Variants in ZP3 observed in about 807,000 individuals in gnomAD.
The protein encoded by ZP3 is zona pellucida glycoprotein 3.
A neutral mutation model predicts 35.6 loss-of-function variants in ZP3; 21 were observed. The observed-to-expected ratio is 0.59, with a 90% confidence interval of 0.42 to 0.85. ZP3 has a LOEUF of 0.85. Ranked by LOEUF, ZP3 falls within the 40% of genes least tolerant of loss-of-function variation. The probability of loss-of-function intolerance (pLI) is 0.00; values close to 1 mark genes in which losing one functional copy is unlikely to be tolerated. For synonymous variants in ZP3, 207 were observed against 214.5 expected (o/e 0.96, Z 0.31); for missense variants, 437 against 536.5 (o/e 0.81, Z 1.83).
chr7:76,398,689 C>A (rs1272426609), intron 1 of ZP3: 1 of 1,609,922 alleles, frequency 6.2e-7, no homozygotes, highest in Non-Finnish European at 8.5e-7. Context: ...TCTCCCAAAA[C>A]CCAGGTGGTG....
intron 1 of ZP3, among the ~76,000 whole-genome samples, chr7:76,407,599 G>T (rs1362250729): frequency 6.6e-6 from 1 of 152,132 alleles, no homozygotes; most frequent in Non-Finnish European, 1.5e-5. Flanking sequence ...TGGGCATGGT[G>T]GTGCATGCCT....
At chr7:76,398,486 G>T (rs1006818986) in intron 1 of ZP3, among the ~76,000 whole-genome samples, 8 of 151,906 alleles carry the variant, frequency 5.3e-5, no homozygotes, top group African/African-American at 1.9e-4. Flanking sequence ...TGTATTTTTT[G>T]TAGAGACAGG....
Position 76,425,218 on chromosome 7 carries a change from A to T in ZP3, c.254A>T (p.Asp85Val). The change falls in exon 1 of 8, where the codon GAC (aspartate) becomes GTC (valine). Residue 85 changes from aspartate (D) to valine (V), a missense_variant. Asp to Val is a radical substitution (Grantham distance 152, BLOSUM62 -3). Around this residue, in one of 6 missense-constraint regions of ZP3, gnomAD observed 352 missense variants for 308.4 expected, o/e 1.14. Transcript: ENST00000394857. The part of the protein sequence containing the change: ...PEACEPLVSM[D>V]TEDVVRFEVG... ...GCCTGTGAGCCTCTGGTCTCCATGGACACAGAAGATGTGGTCAGGTTTGAG... is the reference window on the plus strand; with the variant it reads ...GCCTGTGAGCCTCTGGTCTCCATGGTCACAGAAGATGTGGTCAGGTTTGAG... The T allele has an allele frequency of 2.5e-6, 4 of 1,613,880 alleles. No homozygotes were observed. The highest frequency in any genetic ancestry group is 1.7e-4 in the Middle Eastern group (1 of 6,060).
intron 1 of ZP3, chr7:76,398,622 A>G: frequency 4.4e-6 from 6 of 1,358,036 alleles, no homozygotes; most frequent in South Asian, 1.2e-5. Flanking sequence ...CTAACTTTAC[A>G]TCTTCAATTT....
rs71085417 is a variant in ZP3, at chr7:76,438,538, GAAA to G, written c.832-1695_832-1693del. ...TGGACTAGAGACAGACTCCGTCTCAGAAAAAAAAAAAAAAAAAAAGGGTAGCGG... is the reference window on the plus strand; with the variant it reads ...TGGACTAGAGACAGACTCCGTCTCAGAAAAAAAAAAAAAAAAGGGTAGCGG... On this transcript the variant is annotated intron_variant, in intron 5 of 7. Transcript: ENST00000394857. Among the ~76,000 whole-genome samples, 40 of 88,556 alleles carry G rather than the reference GAAA, an allele frequency of 4.5e-4. 2 individuals carry two copies. In the East Asian group the frequency reaches 0.01, roughly 23 times the overall value. The allele number at this position is 88,556 out of a possible 152,430, so 58.1% of individuals were successfully genotyped here.
intron 1 of ZP3, chr7:76,398,774 T>C (rs765137498): frequency 5.6e-6 from 9 of 1,613,020 alleles, no homozygotes; most frequent in South Asian, 1.1e-5. Flanking sequence ...ATCTTCCTTG[T>C]TGGGGGCTGC....
At chr7:76,411,532 G>T (rs1232722675) in intron 1 of ZP3, among the ~76,000 whole-genome samples, 1 of 151,932 alleles carries the variant, frequency 6.6e-6, no homozygotes, top group Non-Finnish European at 1.5e-5. Flanking sequence ...TTGTGCCACT[G>T]CACTCCAGCC....
intron 2 of ZP3, among the ~76,000 whole-genome samples, chr7:76,430,158 C>T (rs141766935): frequency 0.013 from 2,026 of 151,328 alleles, 24 homozygotes; most frequent in Middle Eastern, 0.031. Flanking sequence ...TGCAGTGAGC[C>T]GAGATTGCAC....
At chr7:76,404,190 T>G in intron 1 of ZP3, 1 of 1,380,714 alleles carries the variant, frequency 7.2e-7, no homozygotes, top group Non-Finnish European at 9.6e-7. Context: ...AAGGTCAGCA[T>G]TGGAAAGAAC....
chr7:76,406,538 C>T (rs1366067630), intron 1 of ZP3, among the ~76,000 whole-genome samples: 1 of 151,878 alleles, frequency 6.6e-6, no homozygotes, highest in African/African-American at 2.4e-5. Context: ...GGCGGCAGTG[C>T]AGTGGCATGA....
rs1563692692 is a variant in ZP3, at chr7:76,416,823, T to TATAC, written c.-66-8226_-66-8225insCATA. On this transcript the variant is annotated intron_variant, in intron 1 of 8. Coordinates refer to the ZP3 transcript ENST00000336517. ...CTCTCTCTCTCTCTCTCTCTATATA[T>TATAC]ATATACATATACATACATATATACA... Among the ~76,000 whole-genome samples the TATAC allele has an allele frequency of 2.6e-4, 39 of 150,854 alleles. No individual in the cohort carries two copies. In the East Asian group the frequency reaches 2.9e-3, roughly 11 times the overall value.
chr7:76,432,770 A>G (rs1248138099), intron 2 of ZP3, among the ~76,000 whole-genome samples, 157 bp from the exon 3 acceptor site: 1 of 152,220 alleles, frequency 6.6e-6, no homozygotes, highest in Non-Finnish European at 1.5e-5. Context: ...GGGCAGCCTC[A>G]GGCTCAAGGT....
At chr7:76,412,167 G>A (rs1188596694) in intron 1 of ZP3, among the ~76,000 whole-genome samples, 1 of 143,786 alleles carries the variant, frequency 7.0e-6, no homozygotes, top group African/African-American at 2.7e-5. Flanking sequence ...CAGCCTGGGG[G>A]ACAGAGTGAG....
intron 2 of ZP3, among the ~76,000 whole-genome samples, chr7:76,430,338 G>A (rs147268678): frequency 6.6e-6 from 1 of 152,224 alleles, no homozygotes; most frequent in Non-Finnish European, 1.5e-5. Flanking sequence ...CCTGAAGTGG[G>A]AGGAGAAACT....
intron 1 of ZP3, among the ~76,000 whole-genome samples, chr7:76,408,917 A>G (rs759779193): frequency 6.6e-6 from 1 of 152,094 alleles, no homozygotes; most frequent in Non-Finnish European, 1.5e-5. Flanking sequence ...CAGCTCCACC[A>G]TCTCCTAGCT....
intron 1 of ZP3, among the ~76,000 whole-genome samples, chr7:76,427,511 G>A (rs1230261304): frequency 3.5e-4 from 31 of 89,310 alleles, no homozygotes; most frequent in Admixed American, 1.3e-3. Context: ...GTGAGACTCC[G>A]TCTCAAAAAA....
intron 1 of ZP3, among the ~76,000 whole-genome samples, chr7:76,416,823 T>TAC (rs1563692689): frequency 6.6e-6 from 1 of 150,796 alleles, no homozygotes; most frequent in East Asian, 1.9e-4. Flanking sequence ...TCTCTATATA[T>TAC]ATATACATAT....
intron 4 of ZP3, 55 bp from the exon 5 acceptor site, chr7:76,433,983 G>C (rs1159068561): frequency 8.3e-6 from 11 of 1,324,464 alleles, no homozygotes; most frequent in Non-Finnish European, 1.2e-5. Flanking sequence ...ATGGGCGTGA[G>C]CCACGGTGCC....
At chr7:76,416,394 A>T (rs760493913) in intron 1 of ZP3, among the ~76,000 whole-genome samples, 1 of 152,204 alleles carries the variant, frequency 6.6e-6, no homozygotes, top group Non-Finnish European at 1.5e-5. Context: ...GCCCCACTGC[A>T]TACCAACCTG....
Sources: gnomAD v4.1 joint callset for allele counts (sites outside exome capture counted in the v4.1 genomes callset) on GRCh38, gnomAD v4.1.1 for gene constraint, gnomAD v4.1.1 regional missense constraint, MANE v1.5 for transcripts, NCBI Gene and HGNC (gene_info 2026-07-23, HGNC 2026-07-21) for gene names.